Variants in C11orf65 observed in about 807,000 individuals in gnomAD.
C11orf65 encodes chromosome 11 open reading frame 65, also known as protein MFI.
In C11orf65, 38 loss-of-function variants were observed where a neutral mutation model predicts 35.3. The ratio of observed to expected loss-of-function variants is 1.08; its 90% CI spans 0.83 to 1.41. C11orf65 has a LOEUF of 1.41. Ranked by LOEUF, C11orf65 falls within the 40% of genes most tolerant of loss-of-function variation. The probability of loss-of-function intolerance (pLI) is 0.00; values close to 1 mark genes in which losing one functional copy is unlikely to be tolerated. For synonymous variants in C11orf65, 105 were observed against 114.4 expected (o/e 0.92, Z 0.53); for missense variants, 370 against 367.1 (o/e 1.01, Z -0.06).
chr11:108,355,105 A>G, intron 2 of C11orf65: 1 of 539,946 alleles, frequency 1.9e-6, no homozygotes, highest in South Asian at 2.3e-5. Flanking sequence ...CATTGTAAGT[A>G]GTCTCTAGTT....
At chr11:108,329,946 T>G (rs1002582817), downstream of C11orf65, among the ~76,000 whole-genome samples, 2 of 152,256 alleles carry the variant, frequency 1.3e-5, no homozygotes, top group African/African-American at 2.4e-5. Context: ...AAGCCTGTCT[T>G]GAATCTGTAT....
Position 108,359,472 on chromosome 11 carries a change from C to A in C11orf65, c.227-24180G>T, listed in dbSNP as rs866275271. Among the ~76,000 whole-genome samples the A allele has an allele frequency of 3.1e-3, 468 of 152,148 alleles. 4 individuals are homozygous for A. Among genetic ancestry groups the A allele is most frequent in the African/African-American group, 1.0e-2 (414 of 41,486 alleles). On this transcript the variant is annotated intron_variant, in intron 2 of 3. Coordinates refer to the C11orf65 transcript ENST00000524755. Reference sequence around the variant, plus strand: ...TAATAGACATCTACAGAACTCTCCACCCCAAATCAACAGAATATACATTTT... The same window carrying A: ...TAATAGACATCTACAGAACTCTCCAACCCAAATCAACAGAATATACATTTT...
intron 3 of C11orf65, among the ~76,000 whole-genome samples, chr11:108,408,093 A>G (rs1591488175): frequency 6.6e-6 from 1 of 151,076 alleles, no homozygotes; most frequent in African/African-American, 2.4e-5. Context: ...ACATAGGTAT[A>G]CATGTGCCAT....
intron 2 of C11orf65, among the ~76,000 whole-genome samples, chr11:108,352,709 C>T (rs1286025647): frequency 6.6e-6 from 1 of 152,178 alleles, no homozygotes; most frequent in Non-Finnish European, 1.5e-5. Context: ...CATCCATGCC[C>T]TGAAATACTA....
chr11:108,454,425 A>G (rs1328852566), intron 2 of C11orf65, among the ~76,000 whole-genome samples: 1 of 150,632 alleles, frequency 6.6e-6, no homozygotes, highest in Non-Finnish European at 1.5e-5. Flanking sequence ...CAGCCTTCCG[A>G]GTAGTTGGGA....
chr11:108,381,320 C>T (rs549422707), downstream of C11orf65, among the ~76,000 whole-genome samples: 42 of 152,312 alleles, frequency 2.8e-4, 1 homozygote, highest in South Asian at 7.7e-3. Flanking sequence ...CCACTGGATG[C>T]ATGTATCCTC....
chr11:108,382,902 C>A lies in C11orf65; in HGVS notation c.*119G>T. The A allele has an allele frequency of 6.5e-7, 1 of 1,547,740 alleles. No individual in the cohort carries two copies. Among genetic ancestry groups the A allele is most frequent in the Non-Finnish European group, 8.6e-7 (1 of 1,158,634 alleles). ...GCTCAATCTTCCTTACTTAACTGAGCTAGATTCTGTGCCCAGAATATATAC... is the reference window on the plus strand; with the variant it reads ...GCTCAATCTTCCTTACTTAACTGAGATAGATTCTGTGCCCAGAATATATAC... On this transcript the variant is annotated 3_prime_UTR_variant, in exon 9 of 9. Transcript: ENST00000393084.
chr11:108,446,281 A>C (rs2093256215), intron 2 of C11orf65, among the ~76,000 whole-genome samples: 1 of 151,490 alleles, frequency 6.6e-6, no homozygotes, highest in Admixed American at 6.6e-5. Context: ...AATACAGAGA[A>C]CACCACAAAG....
At chr11:108,404,552 C>T (rs1049299988) in intron 6 of C11orf65, among the ~76,000 whole-genome samples, 5 of 151,902 alleles carry the variant, frequency 3.3e-5, no homozygotes, top group African/African-American at 4.8e-5. Context: ...GGACTACAGG[C>T]GCCTGCCACC....
rs56219133 is a variant in C11orf65 at position 108,373,672 on chromosome 11, T to A, written c.226+19536A>T. ...TCACTAGGGAGTGCCAGACAGTAGG[T>A]GCAGGACAGTGGGTGCAGCGCACCG... On this transcript the variant is annotated intron_variant, in intron 2 of 3. Transcript: ENST00000524755. Among the ~76,000 whole-genome samples the A allele has an allele frequency of 5.9e-3, 896 of 152,104 alleles. 10 individuals carry two copies. Among genetic ancestry groups the A allele is most frequent in the African/African-American group, 0.018 (728 of 41,498 alleles).
rs143531724 is a variant in C11orf65, at chr11:108,366,059, T to C, written c.226+27149A>G. ...AAAAAAAAAAAAAAACAGAAACGTA[T>C]TTGGATTTTTCCTAGTAAGATCACT... On this transcript the variant is annotated intron_variant, in intron 2 of 3. Transcript: ENST00000524755. 5,275 of 183,470 alleles carry C rather than the reference T, an allele frequency of 0.029. 119 individuals carry two copies. Among genetic ancestry groups the C allele is most frequent in the Non-Finnish European group, 0.043 (3,739 of 86,816 alleles). The allele number at this position is 183,470 out of a possible 1,614,324, so 11.4% of individuals were successfully genotyped here.
chr11:108,423,723 A>C (rs1026374224), intron 3 of C11orf65, among the ~76,000 whole-genome samples: 2 of 152,180 alleles, frequency 1.3e-5, no homozygotes, highest in Admixed American at 1.3e-4. Context: ...AACAGTCAGC[A>C]ATCTTTGCTG....
intron 8 of C11orf65, among the ~76,000 whole-genome samples, chr11:108,385,708 A>T (rs2091978520): frequency 6.6e-6 from 1 of 152,162 alleles, no homozygotes; most frequent in African/African-American, 2.4e-5. Context: ...TCATATTTTT[A>T]AAATCACTTT....
chr11:108,365,640 G>GTT (rs768216554), intron 2 of C11orf65: 2 of 1,113,804 alleles, frequency 1.8e-6, no homozygotes, highest in Non-Finnish European at 2.5e-6. Flanking sequence ...TTGAATGTTG[G>GTT]TTTTAATACT....
intron 2 of C11orf65, among the ~76,000 whole-genome samples, chr11:108,374,712 C>A (rs572654000): frequency 2.0e-5 from 3 of 152,182 alleles, no homozygotes; most frequent in Admixed American, 2.0e-4. Context: ...AAATTCAAAC[C>A]AAAGGCAAAG....
intron 2 of C11orf65, among the ~76,000 whole-genome samples, chr11:108,452,271 A>G (rs557532713): frequency 2.0e-5 from 3 of 152,346 alleles, no homozygotes; most frequent in East Asian, 3.9e-4. Flanking sequence ...CAAAGGGCTA[A>G]TATCAAGAAT....
At chr11:108,431,527 T>C (rs774037319) in intron 3 of C11orf65, among the ~76,000 whole-genome samples, 1 of 152,168 alleles carries the variant, frequency 6.6e-6, no homozygotes, top group Non-Finnish European at 1.5e-5. Context: ...AGGGAGTGAT[T>C]TGGAGTATGA....
chr11:108,350,004 TAGAA>T (rs1226509343), intron 2 of C11orf65, among the ~76,000 whole-genome samples: 1 of 152,036 alleles, frequency 6.6e-6, no homozygotes, highest in African/African-American at 2.4e-5. Context: ...TGCTGAGAAA[TAGAA>T]AGCATGCTCA....
intron 2 of C11orf65, among the ~76,000 whole-genome samples, chr11:108,373,803 A>T (rs575608135): frequency 3.9e-5 from 6 of 152,312 alleles, no homozygotes; most frequent in African/African-American, 1.2e-4. Context: ...GCACCTGGAA[A>T]ATCGGGCCAC....
Sources: gnomAD v4.1 joint callset for allele counts (sites outside exome capture counted in the v4.1 genomes callset) on GRCh38, gnomAD v4.1.1 for gene constraint, MANE v1.5 for transcripts, NCBI Gene and HGNC (gene_info 2026-07-23, HGNC 2026-07-21) for gene names.